Variants in BICRA observed in about 807,000 individuals in gnomAD.
The protein encoded by BICRA is BRD4 interacting chromatin remodeling complex associated protein, also known as BRD4-interacting chromatin-remodeling complex-associated protein.
Under a neutral mutation model 96.9 loss-of-function variants are expected in BICRA, and 31 were observed. The ratio of observed to expected loss-of-function variants is 0.32; its 90% CI spans 0.24 to 0.43. The LOEUF (loss-of-function observed/expected upper bound fraction) is 0.43, where lower values mean the gene tolerates loss of function less well. Ranked by LOEUF, BICRA falls within the 20% of genes least tolerant of loss-of-function variation. The pLI is 1.00. For missense variants in BICRA, 2,283 were observed against 2,190.3 expected (o/e 1.04, Z -0.84); for synonymous variants, 1,350 against 1,071.8 (o/e 1.26, Z -5.07).
intron 1 of BICRA, among the ~76,000 whole-genome samples, chr19:47,668,412 T>C (rs1208654668): frequency 1.3e-5 from 2 of 152,114 alleles, no homozygotes. Flanking sequence ...CCTGATGTCT[T>C]GTTTCAGCTC....
chr19:47,679,448 G>A lies in BICRA; in HGVS notation c.278G>A (p.Gly93Asp), dbSNP rs1972992810. The A allele has an allele frequency of 4.0e-6, 6 of 1,503,928 alleles. No individual in the cohort carries two copies. The highest frequency in any genetic ancestry group is 1.8e-4 in the Middle Eastern group (1 of 5,694). The allele number at this position is 1,503,928 out of a possible 1,614,324, so 93.2% of individuals were successfully genotyped here. The stretch of plus-strand genomic sequence containing the variant: ...CCTGCGACAGGGGGCGGCGGCGGGG[G>A]CAGTGGGGGCGCTGACCAGCCCTGT... ...GSPATGGGGGGSGGADQPCDI... is the reference protein window; with the variant it reads ...GSPATGGGGGDSGGADQPCDI... The change falls in exon 6 of 15, where the codon GGC (glycine) becomes GAC (aspartate). Residue 93 changes from glycine (G) to aspartate (D), a missense_variant. By Grantham distance (94) the Gly-to-Asp change is moderately conservative. Transcript: ENST00000594866.
intron 1 of BICRA, among the ~76,000 whole-genome samples, chr19:47,643,821 C>T (rs981248582): frequency 6.6e-6 from 1 of 152,164 alleles, no homozygotes. Context: ...CCACCAGAAC[C>T]CAGGCTGGCT....
At chr19:47,633,310 C>T (rs1384864370) in intron 1 of BICRA, among the ~76,000 whole-genome samples, 1 of 151,902 alleles carries the variant, frequency 6.6e-6, no homozygotes, top group Non-Finnish European at 1.5e-5. Context: ...GAGCTCCTGA[C>T]CTCAAGTGAT....
At chr19:47,658,556 G>A (rs1390455419) in intron 1 of BICRA, among the ~76,000 whole-genome samples, 3 of 151,382 alleles carry the variant, frequency 2.0e-5, no homozygotes, top group Non-Finnish European at 4.4e-5. Context: ...TGCTTGAACC[G>A]GGGAGGCAGA....
chr19:47,685,675 C>T (rs926316631), intron 7 of BICRA, among the ~76,000 whole-genome samples: 15 of 151,312 alleles, frequency 9.9e-5, no homozygotes, highest in South Asian at 2.1e-4. Flanking sequence ...CCTTACTGTC[C>T]GAACTCCAAC....
chr19:47,681,072 C>T lies in BICRA; in HGVS notation c.1902C>T (p.Pro634=), dbSNP rs1231537142. Residue 634 remains proline (P), a synonymous_variant, in exon 6 of 15, where the codon CCC becomes CCT. Transcript: ENST00000594866. ...APQAPPAVST[P]LPLGLQQPQA... ...AGGCGCCCCCCGCGGTCAGCACACCCCTGCCCCTGGGCCTCCAGCAGCCGC... is the reference window on the plus strand; with the variant it reads ...AGGCGCCCCCCGCGGTCAGCACACCTCTGCCCCTGGGCCTCCAGCAGCCGC... The T allele has an allele frequency of 4.9e-6, 7 of 1,441,232 alleles. No homozygotes were observed. The highest frequency in any genetic ancestry group is 2.5e-5 in the Admixed American group (1 of 40,228). The allele number at this position is 1,441,232 out of a possible 1,614,324, so 89.3% of individuals were successfully genotyped here.
At chr19:47,677,565 A>G (rs1972960410) in intron 5 of BICRA, among the ~76,000 whole-genome samples, 1 of 152,082 alleles carries the variant, frequency 6.6e-6, no homozygotes, top group South Asian at 2.1e-4. Flanking sequence ...GCATGGTGGC[A>G]CACGCCTGTA....
At position 47,695,412 on chromosome 19, in the gene BICRA, C is replaced by G. The variant is rs756672494; in HGVS notation, c.3124C>G (p.Leu1042Val). The G allele has an allele frequency of 7.5e-6, 12 of 1,596,616 alleles. No individual in the cohort carries two copies. Among genetic ancestry groups the G allele is most frequent in the Non-Finnish European group, 9.4e-6 (11 of 1,172,046 alleles). ...PAENKAFASN[L>V]PTLNVAKAAS... ...CGAGAACAAGGCTTTTGCCAGCAAC[C>G]TCCCGACCCTGAATGTGGCCAAGGC... The change falls in exon 10 of 15, where the codon CTC (leucine) becomes GTC (valine). Residue 1042 changes from leucine to valine, a missense_variant. Leu to Val is a conservative substitution (Grantham distance 32). Coordinates refer to ENST00000594866, the MANE Select transcript of BICRA (RefSeq NM_001394372.1).
chr19:47,689,078 T>TC (rs1973202148), intron 7 of BICRA, among the ~76,000 whole-genome samples: 2 of 151,822 alleles, frequency 1.3e-5, no homozygotes, highest in Admixed American at 1.3e-4. Context: ...CCACCCGCCT[T>TC]GGCATCCCAA....
intron 4 of BICRA, among the ~76,000 whole-genome samples, chr19:47,674,287 G>C (rs1972909518): frequency 1.0e-5 from 1 of 98,808 alleles, no homozygotes; most frequent in Admixed American, 1.1e-4. Flanking sequence ...TAGGAGGTGA[G>C]ACTGTAGTAG....
At chr19:47,676,582 G>A (rs866365657) in intron 5 of BICRA, among the ~76,000 whole-genome samples, 1,264 of 65,226 alleles carry the variant, frequency 0.019, 24 homozygotes, top group African/African-American at 0.069. Flanking sequence ...CCCCCTCCCC[G>A]CCTCCCCTTC....
At chr19:47,623,754 G>T (rs1368300018) in intron 1 of BICRA, among the ~76,000 whole-genome samples, 1 of 152,138 alleles carries the variant, frequency 6.6e-6, no homozygotes. Flanking sequence ...TTTGGGGCTT[G>T]GGGGTAGGGT....
intron 7 of BICRA, among the ~76,000 whole-genome samples, chr19:47,689,377 T>C (rs1440990824): frequency 6.6e-6 from 1 of 151,550 alleles, no homozygotes; most frequent in African/African-American, 2.4e-5. Context: ...GTGCTGGGAT[T>C]ACAGGCATGA....
chr19:47,699,539 C>T lies in BICRA; in HGVS notation c.3595+134C>T. ...ACCACTAGGCGGTGCCCCAGCTCCA[C>T]CTTCCTGCTGGCAGCTGTGCCTCCC... On this transcript the variant is annotated intron_variant, in intron 14 of 14. Transcript: ENST00000594866. This position sits in a 1 kb window ranked among gnomAD's most constrained non-coding sequence, Gnocchi z 5.0. The T allele has an allele frequency of 1.6e-6, 1 of 631,952 alleles. No homozygotes were observed. Among genetic ancestry groups the T allele is most frequent in the Non-Finnish European group, 2.9e-6 (1 of 350,572 alleles). The allele number at this position is 631,952 out of a possible 1,614,324, so 39.1% of individuals were successfully genotyped here.
Position 47,679,667 on chromosome 19 carries a change from T to G in BICRA, c.497T>G (p.Leu166Arg). 6.6e-7 allele frequency: 1 copy of G among 1,515,096 alleles called. No homozygotes were observed. Among genetic ancestry groups the G allele is most frequent in the Non-Finnish European group, 8.8e-7 (1 of 1,134,102 alleles). 93.9% of individuals were successfully genotyped at this position (1,515,096 alleles called of 1,614,324 possible). A position where few individuals can be genotyped will look rare whatever the true frequency, so the allele number is the denominator to read the frequency against. Residue 166 changes from leucine (L) to arginine (R), a missense_variant, in exon 6 of 15, where the codon CTG becomes CGG. Leu to Arg is a moderately radical substitution (Grantham distance 102). Coordinates refer to ENST00000594866, the MANE Select transcript of BICRA (RefSeq NM_001394372.1). ...GCCCTCTTCCCAGGCAGCACCGACC[T>G]GCTGGGGCTGCAGGGCCCGCCTACC... ...PQALFPGSTD[L>R]LGLQGPPTVL...
chr19:47,656,256 CA>C (rs1250995681), intron 1 of BICRA, among the ~76,000 whole-genome samples: 5 of 128,232 alleles, frequency 3.9e-5, no homozygotes, highest in African/African-American at 9.3e-5. Flanking sequence ...GACCCTGTCT[CA>C]AAAAAACAAC....
chr19:47,677,091 A>C (rs1303527398), intron 5 of BICRA, among the ~76,000 whole-genome samples: 1 of 152,178 alleles, frequency 6.6e-6, no homozygotes, highest in African/African-American at 2.4e-5. Context: ...CTCGTCTGTG[A>C]AATGAGGAAG....
chr19:47,680,665 G>A lies in BICRA; in HGVS notation c.1495G>A (p.Ala499Thr). ...GGCCAACGTGGGCGGGCAGATCCTG[G>A]CGGCCGCTGCCCCCCACACAGGTGG... ...LPANVGGQIL[A>T]AAAPHTGGQL... The change falls in exon 6 of 15, where the codon GCG becomes ACG. Residue 499 changes from alanine to threonine, a missense_variant. Transcript: ENST00000594866. 1 of 1,606,302 alleles carries A rather than the reference G, an allele frequency of 6.2e-7. No individual in the cohort carries two copies. The highest frequency in any genetic ancestry group is 8.5e-7 in the Non-Finnish European group (1 of 1,176,536).
intron 5 of BICRA, 102 bp downstream of exon 5, chr19:47,676,018 C>T: frequency 2.0e-6 from 1 of 511,886 alleles, no homozygotes; most frequent in Non-Finnish European, 3.5e-6. Flanking sequence ...CTCGTGAGGG[C>T]TGTTGACAGG....
Sources: allele counts gnomAD v4.1 joint callset (sites outside exome capture counted in the v4.1 genomes callset), GRCh38; gene constraint gnomAD v4.1.1; non-coding constraint Gnocchi (gnomAD v3.1); transcripts MANE v1.5; gene names NCBI Gene and HGNC (gene_info 2026-07-23, HGNC 2026-07-21).